Variants in RNASE10 observed in about 807,000 individuals in gnomAD.
RNASE10 encodes the protein ribonuclease A family member 10 (inactive), also known as inactive ribonuclease-like protein 10.
In RNASE10, 2 loss-of-function variants were observed where a neutral mutation model predicts 1.1. The observed-to-expected ratio is 1.82, with a 90% CI of 0.74 to 5.73. RNASE10 has a LOEUF of 5.73. Ranked by LOEUF, RNASE10 falls within the 30% of genes most tolerant of loss-of-function variation. The probability of loss-of-function intolerance (pLI) is 0.05; values close to 1 mark genes in which losing one functional copy is unlikely to be tolerated. For synonymous variants in RNASE10, 97 were observed against 96.2 expected (o/e 1.01, Z -0.05); for missense variants, 276 against 263.4 (o/e 1.05, Z -0.33).
downstream of RNASE10, among the ~76,000 whole-genome samples, chr14:20,513,492 A>T (rs1030606013): frequency 2.0e-5 from 3 of 152,190 alleles, no homozygotes; most frequent in Admixed American, 2.0e-4. Flanking sequence ...TGTTGAGCCC[A>T]TATGACAGAT....
In RNASE10 at chr14:20,507,108, A is replaced by G. The variant is rs868109344; in HGVS notation, c.79+1089A>G. On this transcript the variant is annotated intron_variant, in intron 1 of 1. Coordinates refer to ENST00000430083, the Ensembl canonical transcript of RNASE10. Reference sequence around the variant, plus strand: ...CTGCCCGGCCAGGACCCCGTCTGGGAGGTGTGCCCAGCGGCTCATTGGGGA... The same window carrying G: ...CTGCCCGGCCAGGACCCCGTCTGGGGGGTGTGCCCAGCGGCTCATTGGGGA... Among the ~76,000 whole-genome samples the G allele has an allele frequency of 8.7e-3, 1,301 of 148,744 alleles. 1 individual carries two copies. The highest frequency in any genetic ancestry group is 0.031 in the African/African-American group (1,218 of 39,844).
chr14:20,504,845 C>A (rs1046770390), upstream of RNASE10, among the ~76,000 whole-genome samples: 3 of 152,042 alleles, frequency 2.0e-5, no homozygotes, highest in African/African-American at 7.2e-5. Flanking sequence ...CACTCACCAG[C>A]TCCTGAGGCC....
At chr14:20,512,620 A>G (rs1882924356), downstream of RNASE10, among the ~76,000 whole-genome samples, 1 of 152,210 alleles carries the variant, frequency 6.6e-6, no homozygotes, top group Non-Finnish European at 1.5e-5. Context: ...CAACCACTTT[A>G]GTATCCTCCT....
At chr14:20,509,198 T>C (rs1335544679) in intron 1 of RNASE10, among the ~76,000 whole-genome samples, 1 of 152,254 alleles carries the variant, frequency 6.6e-6, no homozygotes, top group African/African-American at 2.4e-5. Context: ...TACTGGTGCG[T>C]GGCACCATGC....
downstream of RNASE10, among the ~76,000 whole-genome samples, chr14:20,512,476 T>G (rs551495134): frequency 6.6e-6 from 1 of 152,298 alleles, no homozygotes; most frequent in South Asian, 2.1e-4. Context: ...TCCTAGACTA[T>G]TATAGACCCA....
chr14:20,504,551 G>A (rs933582939), upstream of RNASE10, among the ~76,000 whole-genome samples: 21 of 150,906 alleles, frequency 1.4e-4, no homozygotes, highest in Admixed American at 5.3e-4. Flanking sequence ...AGCCGGGCGC[G>A]GTGGCGGGCG....
chr14:20,510,503 T>A (rs954586761), exon 2 of RNASE10: 4 of 1,612,312 alleles, frequency 2.5e-6, no homozygotes, highest in Non-Finnish European at 2.5e-6. Flanking sequence ...ATCTTTTTCA[T>A]GTTGCTGATG....
At chr14:20,510,528 G>A (rs1882869144) in exon 2 of RNASE10, 2 of 1,613,942 alleles carry the variant, frequency 1.2e-6, no homozygotes, top group Admixed American at 1.7e-5. Flanking sequence ...TGCTGGGCCT[G>A]GGGATGGGCC....
chr14:20,510,869 G>A (rs1236333041), exon 2 of RNASE10: 2 of 1,614,130 alleles, frequency 1.2e-6, no homozygotes, highest in Non-Finnish European at 1.7e-6. Flanking sequence ...CCCAGTCAGA[G>A]TTGCATAGCC....
chr14:20,506,921 C>T (rs1882748445), intron 1 of RNASE10, among the ~76,000 whole-genome samples: 2 of 140,142 alleles, frequency 1.4e-5, no homozygotes, highest in East Asian at 4.4e-4. Flanking sequence ...TGGCCAGCCG[C>T]CCCGTCCGGG....
chr14:20,509,837 T>C (rs1192494786), intron 1 of RNASE10, among the ~76,000 whole-genome samples: 1 of 151,822 alleles, frequency 6.6e-6, no homozygotes, highest in African/African-American at 2.4e-5. Context: ...TAAGAATCAA[T>C]TGATGTCAGG....
intron 1 of RNASE10, among the ~76,000 whole-genome samples, chr14:20,508,617 G>A (rs1279573358): frequency 3.9e-5 from 6 of 152,096 alleles, no homozygotes; most frequent in East Asian, 1.9e-4. Context: ...AAAAGAACCC[G>A]TAAAGTGCTC....
chr14:20,507,653 A>G (rs1170791813), intron 1 of RNASE10, among the ~76,000 whole-genome samples: 2 of 152,104 alleles, frequency 1.3e-5, no homozygotes, highest in East Asian at 3.9e-4. Flanking sequence ...TCAACTTTAC[A>G]AACAAATGTG....
chr14:20,506,310 G>A (rs1187808607), intron 1 of RNASE10, among the ~76,000 whole-genome samples: 2 of 79,270 alleles, frequency 2.5e-5, no homozygotes, highest in Admixed American at 1.2e-4. Flanking sequence ...CGGGAGGGAG[G>A]TGGGGGGGGT....
chr14:20,510,923 TC>T lies in RNASE10; in HGVS notation c.537del (p.Cys180ValfsTer24), dbSNP rs1320877043. On this transcript the variant is annotated frameshift_variant, in exon 2 of 2. Coordinates refer to ENST00000430083, the Ensembl canonical transcript of RNASE10. LOFTEE classifies it low-confidence loss of function (END_TRUNC). ...GAGGATCTAAACACAGTCAAAGCTG[TC>T]TGTAACAGTCCTGTCATTGCCTGTG... 2 of 1,613,318 alleles carry T rather than the reference TC, an allele frequency of 1.2e-6. No homozygotes were observed. The highest frequency in any genetic ancestry group is 3.3e-5 in the Admixed American group (2 of 59,986).
At chr14:20,512,464 A>G (rs1380704807), downstream of RNASE10, among the ~76,000 whole-genome samples, 1 of 152,204 alleles carries the variant, frequency 6.6e-6, no homozygotes, top group Non-Finnish European at 1.5e-5. Context: ...TCTGCTTCAC[A>G]TTCCTAGACT....
At chr14:20,511,048 C>T in exon 2 of RNASE10, 1 of 1,535,638 alleles carries the variant, frequency 6.5e-7, no homozygotes, top group Non-Finnish European at 8.8e-7. Flanking sequence ...CTGCAATTAC[C>T]TAACTTCTGT....
chr14:20,508,989 C>A (rs1412865188), intron 1 of RNASE10, among the ~76,000 whole-genome samples: 1 of 148,972 alleles, frequency 6.7e-6, no homozygotes, highest in South Asian at 2.1e-4. Flanking sequence ...TTTTTTTTTT[C>A]TGGCAGGGAA....
intron 1 of RNASE10, among the ~76,000 whole-genome samples, chr14:20,506,431 G>A (rs1882720304): frequency 7.7e-6 from 1 of 129,364 alleles, no homozygotes; most frequent in African/African-American, 3.1e-5. Flanking sequence ...TCCCGTCCGG[G>A]AGGGGGGAGG....
Sources: gnomAD v4.1 joint callset for allele counts (sites outside exome capture counted in the v4.1 genomes callset) on GRCh38, gnomAD v4.1.1 for gene constraint, MANE v1.5 for transcripts, NCBI Gene and HGNC (gene_info 2026-07-23, HGNC 2026-07-21) for gene names.